The following SHROOM3 variants were observed in gnomAD, a reference collection of about 807,000 sequenced individuals.
SHROOM3 encodes the protein shroom family member 3.
Under a neutral mutation model 138.6 loss-of-function variants are expected in SHROOM3, and 47 were observed. The ratio of observed to expected loss-of-function variants is 0.34; its 90% CI spans 0.27 to 0.43. The LOEUF is 0.43. SHROOM3 is among the 20% of genes least tolerant of loss of function. The pLI is 1.00. For missense variants in SHROOM3, 2,491 were observed against 2,596.5 expected, an observed-to-expected ratio of 0.96 and a Z score of 0.88; for synonymous variants, 1,062 against 1,063.3, an observed-to-expected ratio of 1.00 and a Z score of 0.02.
chr4:76,475,615 A>G (rs189742726), intron 1 of SHROOM3, among the ~76,000 whole-genome samples: 1 of 152,370 alleles, frequency 6.6e-6, no homozygotes, highest in African/African-American at 2.4e-5. Context: ...TTCAATGCAG[A>G]AGTTGCATAA....
At chr4:76,439,776 A>T (rs1331618840) in intron 1 of SHROOM3, among the ~76,000 whole-genome samples, 1 of 152,192 alleles carries the variant, frequency 6.6e-6, no homozygotes, top group African/African-American at 2.4e-5. Context: ...ATGAAGTATC[A>T]TTTTTCTTTA....
intron 1 of SHROOM3, among the ~76,000 whole-genome samples, chr4:76,437,646 T>C (rs1171301585): frequency 1.3e-5 from 2 of 152,208 alleles, no homozygotes; most frequent in Non-Finnish European, 2.9e-5. Context: ...ATGCCAGTGA[T>C]TAATACAGAC....
chr4:76,529,561 G>A (rs1391815134), intron 1 of SHROOM3, among the ~76,000 whole-genome samples: 4 of 151,988 alleles, frequency 2.6e-5, no homozygotes, highest in African/African-American at 4.8e-5. Flanking sequence ...TCCTGACCTC[G>A]TGATCCACCT....
chr4:76,699,451 C>T (rs894287200), intron 2 of SHROOM3, among the ~76,000 whole-genome samples: 46 of 152,218 alleles, frequency 3.0e-4, no homozygotes, highest in African/African-American at 1.1e-3. Context: ...TCATTTTACA[C>T]ATGAGAAAAT....
intron 1 of SHROOM3, among the ~76,000 whole-genome samples, chr4:76,473,069 A>C (rs1463768578): frequency 6.6e-6 from 1 of 152,272 alleles, no homozygotes; most frequent in Non-Finnish European, 1.5e-5. Flanking sequence ...GCCATTCTGC[A>C]ATGTATACAT....
At chr4:76,596,833 T>C (rs1734399146) in intron 2 of SHROOM3, among the ~76,000 whole-genome samples, 1 of 152,206 alleles carries the variant, frequency 6.6e-6, no homozygotes, top group Admixed American at 6.5e-5. Context: ...CCCCTACATC[T>C]ACTAGTGTGT....
rs6835607 is a variant in SHROOM3, at chr4:76,474,787, C to T, written c.168+38567C>T. Among the ~76,000 whole-genome samples the T allele has an allele frequency of 6.0e-3, 918 of 152,060 alleles. 7 individuals carry two copies. The highest frequency in any genetic ancestry group is 0.041 in the East Asian group (214 of 5,160). On this transcript the variant is annotated intron_variant, in intron 1 of 10. Transcript: ENST00000296043. ...AAAACAACAACAACAAAAAGCCAGA[C>T]GTGGTGATACATGCCTGTAATCCCA...
chr4:76,659,436 T>C (rs1302950291), intron 2 of SHROOM3, among the ~76,000 whole-genome samples: 2 of 152,244 alleles, frequency 1.3e-5, no homozygotes. Flanking sequence ...CTTTTCATAT[T>C]GGTCATTTGG....
At chr4:76,542,132 A>AC (rs57844911) in intron 1 of SHROOM3, among the ~76,000 whole-genome samples, 17,702 of 152,194 alleles carry the variant, frequency 0.12, 1,157 homozygotes, top group East Asian at 0.16. Flanking sequence ...TACATTCATC[A>AC]CCACAGTCTA....
chr4:76,472,530 A>G (rs1011534668), intron 1 of SHROOM3, among the ~76,000 whole-genome samples: 53 of 152,138 alleles, frequency 3.5e-4, no homozygotes, highest in Admixed American at 3.2e-3. Flanking sequence ...CCTGGGTGGC[A>G]GTTCTATAAT....
rs375582147 is a variant in SHROOM3 at position 76,747,656 on chromosome 4, T to C, written c.3754-1361T>C. Among the ~76,000 whole-genome samples, 31 of 152,306 alleles carry C rather than the reference T, an allele frequency of 2.0e-4. No individual in the cohort carries two copies. The East Asian group carries it at 4.0e-3, about 20-fold the overall frequency. ...GACCTAGGCTTTTCCAATTAATTAT[T>C]GGCAAAGTAGCACATTCTTGTCAAC... is the stretch of plus-strand genomic sequence containing the variant. On this transcript the variant is annotated intron_variant, in intron 5 of 10. Coordinates refer to ENST00000296043, the MANE Select transcript of SHROOM3 (RefSeq NM_020859.4).
chr4:76,688,904 T>G lies in SHROOM3; in HGVS notation c.324-21252T>G, dbSNP rs1719412917. Reference sequence around the variant, plus strand: ...CACCACCTGCATCTCTGCTGTGACTTACACTGAGAAGAGGGCATGCTGAGA... The same window carrying G: ...CACCACCTGCATCTCTGCTGTGACTGACACTGAGAAGAGGGCATGCTGAGA... On this transcript the variant is annotated intron_variant, in intron 2 of 10. Transcript: ENST00000296043. 5.1e-6 allele frequency: 5 copies of G among 984,264 alleles called. No homozygotes were observed. The South Asian group carries it at 2.4e-4, about 46-fold the overall frequency. 61.0% of individuals were successfully genotyped at this position (984,264 alleles called of 1,614,324 possible). A position where few individuals can be genotyped will look rare whatever the true frequency, so the allele number is the denominator to read the frequency against.
intron 2 of SHROOM3, among the ~76,000 whole-genome samples, chr4:76,605,360 T>C (rs1734591942): frequency 6.6e-6 from 1 of 152,098 alleles, no homozygotes; most frequent in South Asian, 2.1e-4. Context: ...TGCATTCTAG[T>C]GGGAGAGAAC....
intron 2 of SHROOM3, among the ~76,000 whole-genome samples, chr4:76,636,706 C>T (rs887831354): frequency 2.6e-5 from 4 of 152,136 alleles, no homozygotes; most frequent in African/African-American, 4.8e-5. Context: ...GATGAGTTGG[C>T]GTGTCTACAG....
intron 2 of SHROOM3, among the ~76,000 whole-genome samples, chr4:76,624,051 AC>A (rs1735065159): frequency 1.3e-5 from 2 of 152,158 alleles, no homozygotes; most frequent in Admixed American, 1.3e-4. Flanking sequence ...AATTTTTCTA[AC>A]CAAATATTTT....
rs188852430 is a variant in SHROOM3 at position 76,740,008 on chromosome 4, A to C, written c.1835A>C (p.Gln612Pro). The C allele has an allele frequency of 1.2e-5, 19 of 1,613,990 alleles. No individual in the cohort carries two copies. In the African/African-American group the frequency reaches 2.3e-4, roughly 19 times the overall value. The change falls in exon 5 of 11, where the codon CAA (glutamine) becomes CCA (proline). Residue 612 changes from glutamine to proline, a missense_variant. Coordinates refer to ENST00000296043, the MANE Select transcript of SHROOM3 (RefSeq NM_020859.4). This position sits in a 1 kb window ranked among gnomAD's most constrained non-coding sequence, Gnocchi z 4.0. The stretch of plus-strand genomic sequence containing the variant: ...AAATGCCCTCAGGCTCAGGCCTGGC[A>C]AGCGGGTGAAGACAAGAGATCTTCC... ...SLKCPQAQAWQAGEDKRSSRL... is the reference protein window; with the variant it reads ...SLKCPQAQAWPAGEDKRSSRL...
intron 1 of SHROOM3, among the ~76,000 whole-genome samples, chr4:76,450,416 T>A (rs908289634): frequency 6.6e-6 from 1 of 152,170 alleles, no homozygotes; most frequent in Non-Finnish European, 1.5e-5. Flanking sequence ...AAAACATATA[T>A]CTGTACAGAG....
chr4:76,545,975 G>A (rs1733208223), intron 1 of SHROOM3, among the ~76,000 whole-genome samples: 1 of 152,110 alleles, frequency 6.6e-6, no homozygotes, highest in African/African-American at 2.4e-5. Flanking sequence ...GAAAAGAATA[G>A]CATACCTCCT....
chr4:76,560,757 C>T lies in SHROOM3; in HGVS notation c.323+4994C>T, dbSNP rs72659789. ...TTTTTATAATGCTATGCAAGCCAGG[C>T]AAAAGTCAGAGAGGATACCTGAGAT... On this transcript the variant is annotated intron_variant, in intron 2 of 10. Coordinates refer to ENST00000296043, the MANE Select transcript of SHROOM3 (RefSeq NM_020859.4). Among the ~76,000 whole-genome samples, 114 of 152,218 alleles carry T rather than the reference C, an allele frequency of 7.5e-4. 1 individual carries two copies. Among genetic ancestry groups the T allele is most frequent in the Non-Finnish European group, 1.3e-3 (90 of 68,020 alleles).
Sources: gnomAD v4.1 joint callset for allele counts (sites outside exome capture counted in the v4.1 genomes callset) on GRCh38, gnomAD v4.1.1 for gene constraint, Gnocchi (gnomAD v3.1) non-coding constraint, MANE v1.5 for transcripts, NCBI Gene and HGNC (gene_info 2026-07-23, HGNC 2026-07-21) for gene names.